The following CDKAL1 variants were observed in gnomAD, a reference collection of about 807,000 sequenced individuals.
CDKAL1 encodes threonylcarbamoyladenosine tRNA methylthiotransferase.
CDKAL1 carries 32 observed loss-of-function variants against 68.2 expected under a neutral mutation model. The observed-to-expected ratio is 0.47, with a 90% CI of 0.35 to 0.63. The LOEUF (loss-of-function observed/expected upper bound fraction) is 0.63. Ranked by LOEUF, CDKAL1 falls within the 30% of genes least tolerant of loss-of-function variation. The probability of loss-of-function intolerance (pLI) is 0.00; values close to 1 mark genes in which losing one functional copy is unlikely to be tolerated. For synonymous variants in CDKAL1, 234 were observed against 244.3 expected (o/e 0.96, Z 0.39); for missense variants, 606 against 696.7 (o/e 0.87, Z 1.47).
At chr6:20,856,044 A>C (rs1759317053) in intron 9 of CDKAL1, among the ~76,000 whole-genome samples, 1 of 152,198 alleles carries the variant, frequency 6.6e-6, no homozygotes. Context: ...ATAAGCAAAT[A>C]ATGAAGTTTA....
chr6:21,121,565 G>A (rs150957520), intron 13 of CDKAL1, among the ~76,000 whole-genome samples: 84 of 152,310 alleles, frequency 5.5e-4, no homozygotes, highest in African/African-American at 2.0e-3. Context: ...TTGTCATAGG[G>A]ATTAAATGGG....
chr6:20,671,033 G>A (rs1769789675), intron 5 of CDKAL1, among the ~76,000 whole-genome samples: 1 of 152,148 alleles, frequency 6.6e-6, no homozygotes, highest in Non-Finnish European at 1.5e-5. Context: ...ATATCTTTGG[G>A]ATGAATTTCT....
intron 9 of CDKAL1, among the ~76,000 whole-genome samples, chr6:20,862,634 CTT>C (rs1491466565): frequency 2.1e-5 from 2 of 94,638 alleles, no homozygotes; most frequent in African/African-American, 8.1e-5. Flanking sequence ...TTCTTTCCAA[CTT>C]GTGTGTGTGT....
chr6:20,756,737 C>G (rs1384021191), intron 6 of CDKAL1: 1 of 152,200 alleles, frequency 6.6e-6, no homozygotes, highest in African/African-American at 2.4e-5. Flanking sequence ...CAGGTCTGCT[C>G]TCACAAGCCT....
At chr6:20,965,417 AGAGGG>A (rs1247434805) in intron 10 of CDKAL1, among the ~76,000 whole-genome samples, 54 of 73,954 alleles carry the variant, frequency 7.3e-4, no homozygotes, top group South Asian at 3.4e-3. Flanking sequence ...CACTGTATCG[AGAGGG>A]GAGGGGAGGG....
intron 13 of CDKAL1, among the ~76,000 whole-genome samples, chr6:21,176,887 T>C (rs927209619): frequency 3.3e-5 from 5 of 151,596 alleles, no homozygotes; most frequent in African/African-American, 1.2e-4. Context: ...TTAGTAGAGA[T>C]GGGGTTTCAC....
At chr6:20,817,600 G>C (rs1777099559) in intron 8 of CDKAL1, among the ~76,000 whole-genome samples, 3 of 152,108 alleles carry the variant, frequency 2.0e-5, no homozygotes. Flanking sequence ...TTCACAACCT[G>C]CAGGAAGATG....
intron 4 of CDKAL1, among the ~76,000 whole-genome samples, chr6:20,606,811 A>G (rs998284772): frequency 3.9e-5 from 6 of 152,202 alleles, no homozygotes; most frequent in South Asian, 4.1e-4. Flanking sequence ...CTGTCTGCCA[A>G]TGCGTTTTTG....
intron 11 of CDKAL1, among the ~76,000 whole-genome samples, chr6:21,062,877 C>T (rs763538703): frequency 5.3e-5 from 8 of 150,144 alleles, no homozygotes; most frequent in Non-Finnish European, 1.2e-4. Flanking sequence ...ATTTGATAAA[C>T]TGTTTTCATT....
At chr6:20,988,824 TC>T (rs199917138) in intron 10 of CDKAL1, among the ~76,000 whole-genome samples, 261 of 149,210 alleles carry the variant, frequency 1.7e-3, no homozygotes, top group African/African-American at 4.7e-3. Context: ...TAATTTTTTT[TC>T]TTTTTTGTAT....
chr6:21,111,410 T>C (rs75426397), intron 13 of CDKAL1, among the ~76,000 whole-genome samples: 4,792 of 152,242 alleles, frequency 0.031, 82 homozygotes, highest in Non-Finnish European at 0.052. Flanking sequence ...GTTAAAACAG[T>C]TGTAATTACA....
At chr6:20,626,816 C>T (rs111686239) in intron 4 of CDKAL1, among the ~76,000 whole-genome samples, 23 of 152,170 alleles carry the variant, frequency 1.5e-4, no homozygotes, top group African/African-American at 5.6e-4. Flanking sequence ...GGATCAACAA[C>T]AGCATCTCTG....
chr6:21,078,351 C>T (rs543105036), intron 12 of CDKAL1, among the ~76,000 whole-genome samples: 5 of 152,270 alleles, frequency 3.3e-5, no homozygotes, highest in Non-Finnish European at 7.4e-5. Flanking sequence ...CTAGATACTA[C>T]CCTACAGTCA....
chr6:20,748,184 T>G (rs957270201), intron 6 of CDKAL1, among the ~76,000 whole-genome samples: 1 of 152,180 alleles, frequency 6.6e-6, no homozygotes, highest in African/African-American at 2.4e-5. Flanking sequence ...ACTTTGTGGT[T>G]TAAAATTACA....
chr6:20,668,875 T>C (rs544178124), intron 5 of CDKAL1, among the ~76,000 whole-genome samples: 2 of 152,356 alleles, frequency 1.3e-5, no homozygotes, highest in East Asian at 3.9e-4. Flanking sequence ...AGTTGTGTTA[T>C]AGAACATTGG....
At chr6:20,726,352 C>T (rs541746164) in intron 5 of CDKAL1, among the ~76,000 whole-genome samples, 1 of 152,140 alleles carries the variant, frequency 6.6e-6, no homozygotes, top group Admixed American at 6.5e-5. Context: ...CAGTATATAC[C>T]TCACATGTAC....
chr6:21,038,026 T>C (rs748926136), intron 11 of CDKAL1, among the ~76,000 whole-genome samples: 6 of 152,170 alleles, frequency 3.9e-5, no homozygotes, highest in Non-Finnish European at 8.8e-5. Flanking sequence ...TATTGTAACA[T>C]GAAAGACAAG....
At chr6:21,022,773 A>G (rs1039860984) in intron 11 of CDKAL1, among the ~76,000 whole-genome samples, 23 of 152,158 alleles carry the variant, frequency 1.5e-4, no homozygotes, top group African/African-American at 5.1e-4. Flanking sequence ...GGCCTGAGGA[A>G]CTGCCAATAT....
At chr6:21,227,018 T>C (rs887320085) in intron 15 of CDKAL1, among the ~76,000 whole-genome samples, 2 of 152,260 alleles carry the variant, frequency 1.3e-5, no homozygotes, top group South Asian at 4.1e-4. Context: ...CAGTTTGTTT[T>C]AATAAGCAAT....
Sources: gnomAD v4.1 joint callset for allele counts (sites outside exome capture counted in the v4.1 genomes callset) on GRCh38, gnomAD v4.1.1 for gene constraint, MANE v1.5 for transcripts, NCBI Gene and HGNC (gene_info 2026-07-23, HGNC 2026-07-21) for gene names.